Variants in ERBB4 observed in about 807,000 individuals in gnomAD.
ERBB4 encodes the protein erb-b2 receptor tyrosine kinase 4.
Under a neutral mutation model 158.0 loss-of-function variants are expected in ERBB4, and 42 were observed. The observed-to-expected ratio is 0.27, with a 90% CI of 0.21 to 0.34. The LOEUF is 0.34. Ranked by LOEUF, ERBB4 falls within the 10% of genes least tolerant of loss-of-function variation. The pLI is 1.00. For synonymous variants in ERBB4, 583 were observed against 558.7 expected, an observed-to-expected ratio of 1.04 and a Z score of -0.61; for missense variants, 1,333 against 1,624.1, an observed-to-expected ratio of 0.82 and a Z score of 3.08.
chr2:212,503,831 G>T (rs960413630), intron 1 of ERBB4, among the ~76,000 whole-genome samples: 5 of 151,910 alleles, frequency 3.3e-5, no homozygotes, highest in African/African-American at 1.2e-4. Flanking sequence ...CCTGTCTTTT[G>T]CCAGTTACAG....
chr2:212,500,355 T>C (rs959786839), intron 1 of ERBB4, among the ~76,000 whole-genome samples: 10 of 152,148 alleles, frequency 6.6e-5, no homozygotes, highest in African/African-American at 2.2e-4. Flanking sequence ...CAGTTTTCTC[T>C]AATTGAAAAC....
At chr2:211,623,898 C>T (rs372393522) in intron 18 of ERBB4, 24 bp downstream of exon 18, 10 of 1,612,436 alleles carry the variant, frequency 6.2e-6, no homozygotes, top group South Asian at 3.3e-5. Flanking sequence ...ACTTAACTAA[C>T]GATATGCGTT....
chr2:211,852,681 C>G (rs1488686708), intron 3 of ERBB4, among the ~76,000 whole-genome samples: 2 of 136,430 alleles, frequency 1.5e-5, no homozygotes, highest in African/African-American at 5.4e-5. Context: ...TGTCTATCCA[C>G]TCTTCAATAG....
At chr2:212,049,997 TA>T (rs2077358379) in intron 2 of ERBB4, among the ~76,000 whole-genome samples, 1 of 152,106 alleles carries the variant, frequency 6.6e-6, no homozygotes, top group South Asian at 2.1e-4. Context: ...GAAAAATACC[TA>T]TACGAATAGT....
In ERBB4 at chr2:211,878,652, G is replaced by GTTTTTTTTTT. The variant is rs150312098; in HGVS notation, c.421+68777_421+68778insAAAAAAAAAA. 2.0e-5 allele frequency among the ~76,000 whole-genome samples: 2 copies of GTTTTTTTTTT among 99,158 alleles called. 1 individual carries two copies. The highest frequency in any genetic ancestry group is 7.2e-5 in the African/African-American group (2 of 27,964). 65.1% of individuals were successfully genotyped at this position (99,158 alleles called of 152,430 possible). On this transcript the variant is annotated intron_variant, in intron 3 of 27. Coordinates refer to ENST00000342788, the MANE Select transcript of ERBB4 (RefSeq NM_005235.3). ...AGGAAAAAAAATTAAGACAAATTAAGTTTTGTTTTTTTTTTTTTCCTTGAG... is the reference window on the plus strand; with the variant it reads ...AGGAAAAAAAATTAAGACAAATTAAGTTTTTTTTTTTTTTGTTTTTTTTTTTTTCCTTGAG...
intron 1 of ERBB4, among the ~76,000 whole-genome samples, chr2:212,242,346 G>A (rs966342407): frequency 6.6e-6 from 1 of 151,836 alleles, no homozygotes; most frequent in Non-Finnish European, 1.5e-5. Context: ...ACCTAGCATA[G>A]ACATATGAAA....
At chr2:212,405,107 T>C (rs1350041046) in intron 1 of ERBB4, among the ~76,000 whole-genome samples, 1 of 151,990 alleles carries the variant, frequency 6.6e-6, no homozygotes, top group African/African-American at 2.4e-5. Context: ...CTGACAAAGG[T>C]TAAATATCCA....
chr2:212,055,571 G>T (rs2077535994), intron 2 of ERBB4, among the ~76,000 whole-genome samples: 1 of 152,242 alleles, frequency 6.6e-6, no homozygotes, highest in Admixed American at 6.5e-5. Flanking sequence ...GTACCCCGCT[G>T]AGATGAAGCT....
chr2:211,588,735 T>C (rs2068367985), intron 19 of ERBB4, among the ~76,000 whole-genome samples: 1 of 152,126 alleles, frequency 6.6e-6, no homozygotes, highest in Non-Finnish European at 1.5e-5. Flanking sequence ...GAAACCATGA[T>C]GTTAATCACT....
intron 1 of ERBB4, among the ~76,000 whole-genome samples, chr2:212,184,471 G>A (rs552491331): frequency 2.0e-5 from 3 of 151,974 alleles, no homozygotes; most frequent in Non-Finnish European, 4.4e-5. Context: ...TCTATTAATA[G>A]TAGGCAGGGA....
intron 20 of ERBB4, among the ~76,000 whole-genome samples, chr2:211,525,711 C>G (rs939966429): frequency 6.6e-6 from 1 of 152,090 alleles, no homozygotes; most frequent in Non-Finnish European, 1.5e-5. Context: ...AAAAGCGAGC[C>G]CATTGCCCCG....
At chr2:211,865,558 G>T (rs185014696) in intron 3 of ERBB4, among the ~76,000 whole-genome samples, 195 of 152,150 alleles carry the variant, frequency 1.3e-3, no homozygotes, top group African/African-American at 4.5e-3. Context: ...CGTGACCTTG[G>T]CTCACTGCAA....
intron 5 of ERBB4, among the ~76,000 whole-genome samples, chr2:211,732,163 A>G (rs2074444742): frequency 6.6e-6 from 1 of 152,236 alleles, no homozygotes; most frequent in Admixed American, 6.5e-5. Context: ...CTTAAACTAG[A>G]ACGCTCTTTC....
At chr2:212,261,531 T>C (rs1335508223) in intron 1 of ERBB4, among the ~76,000 whole-genome samples, 1 of 152,114 alleles carries the variant, frequency 6.6e-6, no homozygotes, top group Non-Finnish European at 1.5e-5. Context: ...AATTAACATC[T>C]TTTTCATAGA....
chr2:211,727,625 A>G (rs2074307951), intron 5 of ERBB4, among the ~76,000 whole-genome samples: 1 of 152,182 alleles, frequency 6.6e-6, no homozygotes, highest in African/African-American at 2.4e-5. Flanking sequence ...CTAGGATTTA[A>G]ATGCTCCTTA....
chr2:211,972,291 A>G (rs1026555765), intron 2 of ERBB4, among the ~76,000 whole-genome samples: 1 of 152,270 alleles, frequency 6.6e-6, no homozygotes, highest in Non-Finnish European at 1.5e-5. Flanking sequence ...ATGCTCATGG[A>G]TAGGAAGAAT....
At chr2:211,461,544 G>A (rs1463405536) in intron 20 of ERBB4, among the ~76,000 whole-genome samples, 1 of 151,898 alleles carries the variant, frequency 6.6e-6, no homozygotes, top group African/African-American at 2.4e-5. Flanking sequence ...TCAATATCTG[G>A]CCTCTAAGAA....
At chr2:211,401,014 G>A (rs2063030299) in intron 25 of ERBB4, among the ~76,000 whole-genome samples, 1 of 151,942 alleles carries the variant, frequency 6.6e-6, no homozygotes, top group Admixed American at 6.6e-5. Flanking sequence ...AAAATAATGA[G>A]AAATAATGTG....
chr2:211,733,380 C>T (rs892197768), intron 5 of ERBB4, among the ~76,000 whole-genome samples: 4 of 152,048 alleles, frequency 2.6e-5, no homozygotes, highest in Admixed American at 6.6e-5. Context: ...AGTTATTTTG[C>T]ATATTCCTCA....
Sources: gnomAD v4.1 joint callset for allele counts (sites outside exome capture counted in the v4.1 genomes callset) on GRCh38, gnomAD v4.1.1 for gene constraint, MANE v1.5 for transcripts, NCBI Gene and HGNC (gene_info 2026-07-23, HGNC 2026-07-21) for gene names.